SLC45A4: variants seen among roughly 807,000 people sequenced by gnomAD.
The protein encoded by SLC45A4 is solute carrier family 45 member 4.
A neutral mutation model predicts 63.7 loss-of-function variants in SLC45A4; 32 were observed. That is an observed-to-expected ratio of 0.50 (90% CI 0.38 to 0.67). SLC45A4 has a LOEUF of 0.67. Among genes scored for constraint, SLC45A4 ranks in the 30% least tolerant of loss-of-function variants. The probability of loss-of-function intolerance (pLI) is 0.00; values close to 1 mark genes in which losing one functional copy is unlikely to be tolerated. For synonymous variants in SLC45A4, 535 were observed against 510.0 expected (o/e 1.05, Z -0.66); for missense variants, 1,027 against 1,157.7 (o/e 0.89, Z 1.64).
chr8:141,232,369 A>G (rs1176860586), intron 2 of SLC45A4, among the ~76,000 whole-genome samples: 2 of 152,246 alleles, frequency 1.3e-5, no homozygotes, highest in Non-Finnish European at 2.9e-5. Context: ...GACAGATGGG[A>G]AATCCAGCTG....
chr8:141,226,156 C>T (rs35169207), intron 2 of SLC45A4: 10,715 of 152,424 alleles, frequency 0.07, 535 homozygotes, highest in Non-Finnish European at 0.11. Flanking sequence ...TCAGGGCCCG[C>T]GTTCCAATCC....
chr8:141,217,287 C>A, intron 5 of SLC45A4, 98 bp from the exon 6 acceptor site: 2 of 1,266,736 alleles, frequency 1.6e-6, no homozygotes, highest in Non-Finnish European at 2.2e-6. Context: ...GCTGCTCATT[C>A]TAAGAGCGGT....
intron 1 of SLC45A4, among the ~76,000 whole-genome samples, chr8:141,271,107 C>T (rs940373722): frequency 6.6e-5 from 10 of 152,254 alleles, no homozygotes; most frequent in African/African-American, 1.9e-4. Context: ...TGAGCCAGAA[C>T]GCTTGCCCGC....
intron 2 of SLC45A4, among the ~76,000 whole-genome samples, chr8:141,234,524 G>T (rs144992067): frequency 6.6e-6 from 1 of 152,332 alleles, no homozygotes; most frequent in African/African-American, 2.4e-5. Flanking sequence ...CCCAAACAGG[G>T]TCGCAGGTGG....
rs772767166 is a variant in SLC45A4 at position 141,232,883 on chromosome 8, C to T, written c.242-11118G>A. Among the ~76,000 whole-genome samples, 7 of 152,230 alleles carry T rather than the reference C, an allele frequency of 4.6e-5. 1 individual carries two copies. Among genetic ancestry groups the T allele is most frequent in the South Asian group, 2.1e-4 (1 of 4,828 alleles). On this transcript the variant is annotated intron_variant, in intron 2 of 8. Transcript: ENST00000517878. ...TCACGACCAGCTTGGGCTGGACTGG[C>T]GTCTCCTTTCAGTGGTTGCCACTTT... is the stretch of plus-strand genomic sequence containing the variant.
intron 1 of SLC45A4, among the ~76,000 whole-genome samples, chr8:141,263,392 G>T (rs74416655): frequency 1.6e-5 from 1 of 61,322 alleles, no homozygotes; most frequent in Non-Finnish European, 3.0e-5. Flanking sequence ...AAAAGAAGAA[G>T]AAAAAAGAAA....
intron 1 of SLC45A4, among the ~76,000 whole-genome samples, chr8:141,276,895 G>T (rs910594696): frequency 1.1e-4 from 17 of 152,218 alleles, no homozygotes; most frequent in Admixed American, 2.0e-4. Context: ...CTCAGCTGAA[G>T]ATATCACGGG....
intron 2 of SLC45A4, chr8:141,225,644 G>A (rs1379579498): frequency 2.0e-5 from 3 of 152,684 alleles, no homozygotes; most frequent in Admixed American, 1.3e-4. Context: ...TGGGTCCGGA[G>A]CAGCCCTGGA....
rs1828763618 is a variant in SLC45A4, at chr8:141,256,111, G to A, written c.-400-1482C>T. Among the ~76,000 whole-genome samples the A allele has an allele frequency of 6.6e-6, 1 of 152,060 alleles. No individual in the cohort carries two copies. Among genetic ancestry groups the A allele is most frequent in the South Asian group, 2.1e-4 (1 of 4,824 alleles). On this transcript the variant is annotated intron_variant, in intron 1 of 8. Transcript: ENST00000517878. The surrounding 1 kb of genome is among the most constrained non-coding windows in gnomAD (Gnocchi z 4.3). ...CACCTGGGCAAACACATACAATAAAGCAGCAATAAGCTAACTGGAAATGCC... is the reference window on the plus strand; with the variant it reads ...CACCTGGGCAAACACATACAATAAAACAGCAATAAGCTAACTGGAAATGCC...
At chr8:141,247,024 TAA>T (rs964481344) in intron 2 of SLC45A4, among the ~76,000 whole-genome samples, 3 of 152,018 alleles carry the variant, frequency 2.0e-5, no homozygotes, top group African/African-American at 7.2e-5. Context: ...AAAATGAATA[TAA>T]GAGCATAAAT....
intron 1 of SLC45A4, among the ~76,000 whole-genome samples, chr8:141,275,636 A>G (rs1313516157): frequency 1.3e-5 from 2 of 152,188 alleles, no homozygotes; most frequent in Admixed American, 1.3e-4. Context: ...AACAACCATG[A>G]AACACTACAG....
At chr8:141,273,621 G>C (rs1377354232) in intron 1 of SLC45A4, among the ~76,000 whole-genome samples, 1 of 151,972 alleles carries the variant, frequency 6.6e-6, no homozygotes, top group Non-Finnish European at 1.5e-5. Flanking sequence ...ATATAATCAA[G>C]AACTGACCTC....
intron 2 of SLC45A4, among the ~76,000 whole-genome samples, chr8:141,232,154 C>T (rs1827387760): frequency 6.6e-6 from 1 of 152,240 alleles, no homozygotes; most frequent in Non-Finnish European, 1.5e-5. Flanking sequence ...TGCCTAAGCT[C>T]ATACAGATGC....
chr8:141,243,317 G>A (rs528617514), intron 2 of SLC45A4, among the ~76,000 whole-genome samples: 154 of 152,302 alleles, frequency 1.0e-3, no homozygotes, highest in African/African-American at 3.4e-3. Context: ...GCCCCCCGCC[G>A]CAGCAAGCAC....
At chr8:141,285,247 C>T (rs1432023555) in intron 1 of SLC45A4, among the ~76,000 whole-genome samples, 3 of 152,364 alleles carry the variant, frequency 2.0e-5, no homozygotes, top group East Asian at 1.9e-4. Flanking sequence ...AACCACAACG[C>T]GCCCGCACCC....
intron 1 of SLC45A4, among the ~76,000 whole-genome samples, chr8:141,279,325 TA>T (rs1829850038): frequency 6.6e-6 from 1 of 152,246 alleles, no homozygotes; most frequent in Non-Finnish European, 1.5e-5. Context: ...AGTCTGGCTT[TA>T]CTGAAAAGTA....
chr8:141,252,753 GTCT>G, intron 2 of SLC45A4, among the ~76,000 whole-genome samples: 1 of 111,280 alleles, frequency 9.0e-6, no homozygotes, highest in Non-Finnish European at 1.8e-5. Flanking sequence ...GCCCACCTGC[GTCT>G]GTGAATTTCC....
chr8:141,221,690 C>G lies in SLC45A4; in HGVS notation c.317G>C (p.Gly106Ala). 2 of 1,614,132 alleles carry G rather than the reference C, an allele frequency of 1.2e-6. No homozygotes were observed. The highest frequency in any genetic ancestry group is 1.7e-6 in the Non-Finnish European group (2 of 1,180,040). The change falls in exon 3 of 9, where the codon GGG becomes GCG. Residue 106 changes from glycine to alanine, a missense_variant. Coordinates refer to ENST00000517878, the MANE Select transcript of SLC45A4 (RefSeq NM_001286646.2). ...ILGLIFTPLI[G>A]SASDRCTLSW... ...CAGGGTGCACCGGTCACTCGCAGAC[C>G]CAATGAGAGGTGTGAAGATGAGGCC...
Position 141,210,821 on chromosome 8 carries a change from C to G in SLC45A4, c.*751G>C, listed in dbSNP as rs972443939. On this transcript the variant is annotated 3_prime_UTR_variant, in exon 9 of 9. Coordinates refer to ENST00000517878, the MANE Select transcript of SLC45A4 (RefSeq NM_001286646.2). Reference sequence around the variant, plus strand: ...TGTGATGTGCGGGGCCTCCCTGTCTCCTGATCTCAGTAAGCCTACACCGAC... The same window carrying G: ...TGTGATGTGCGGGGCCTCCCTGTCTGCTGATCTCAGTAAGCCTACACCGAC... 1 of 152,198 alleles carries G rather than the reference C, an allele frequency of 6.6e-6. No individual in the cohort carries two copies. Among genetic ancestry groups the G allele is most frequent in the African/African-American group, 2.4e-5 (1 of 41,434 alleles). The allele number at this position is 152,198 out of a possible 1,614,324, so 9.4% of individuals were successfully genotyped here.
Sources: allele counts gnomAD v4.1 joint callset (sites outside exome capture counted in the v4.1 genomes callset), GRCh38; gene constraint gnomAD v4.1.1; non-coding constraint Gnocchi (gnomAD v3.1); transcripts MANE v1.5; gene names NCBI Gene and HGNC (gene_info 2026-07-23, HGNC 2026-07-21).